The following FHAD1 variants were observed in gnomAD, a reference collection of about 807,000 sequenced individuals.
The protein encoded by FHAD1 is forkhead-associated domain-containing protein 1.
Under a neutral mutation model 191.3 loss-of-function variants are expected in FHAD1, and 146 were observed. The observed-to-expected ratio is 0.76, with a 90% confidence interval of 0.67 to 0.88. The LOEUF (loss-of-function observed/expected upper bound fraction) is 0.88, where lower values mean the gene tolerates loss of function less well. FHAD1 is among the 40% of genes least tolerant of loss of function. The pLI, the probability that FHAD1 is intolerant of heterozygous loss-of-function variation, is 0.00. For synonymous variants in FHAD1, 616 were observed against 672.3 expected, an observed-to-expected ratio of 0.92 and a Z score of 1.29; for missense variants, 1,635 against 1,785.8, an observed-to-expected ratio of 0.92 and a Z score of 1.52.
At chr1:15,375,851 C>G (rs1699422913) in intron 28 of FHAD1, 121 bp downstream of exon 28, 3 of 1,119,736 alleles carry the variant, frequency 2.7e-6, no homozygotes, top group East Asian at 5.4e-5. Context: ...TGGCTGCTGT[C>G]TATACTCACT....
chr1:15,398,443 A>G (rs1706649804), downstream of FHAD1, among the ~76,000 whole-genome samples: 2 of 152,106 alleles, frequency 1.3e-5, no homozygotes, highest in Non-Finnish European at 2.9e-5. Context: ...TAGATTCCCC[A>G]TTTGACAGAT....
In FHAD1 at chr1:15,397,962, C is replaced by G. The variant is rs1706516758; in HGVS notation, c.*549C>G. Reference sequence around the variant, plus strand: ...CCTGGCAAACATAGTGAATACCTGTCTCTACTAAAAATACAAAAATTAGCC... The same window carrying G: ...CCTGGCAAACATAGTGAATACCTGTGTCTACTAAAAATACAAAAATTAGCC... On this transcript the variant is annotated 3_prime_UTR_variant, in exon 34 of 34. Transcript: ENST00000688493. The G allele has an allele frequency of 6.6e-6, 1 of 152,122 alleles. No homozygotes were observed. Among genetic ancestry groups the G allele is most frequent in the Non-Finnish European group, 1.5e-5 (1 of 68,070 alleles). The allele number at this position is 152,122 out of a possible 1,614,324, so 9.4% of individuals were successfully genotyped here.
chr1:15,287,700 A>G (rs1662988690), intron 3 of FHAD1, among the ~76,000 whole-genome samples: 1 of 152,060 alleles, frequency 6.6e-6, no homozygotes, highest in Admixed American at 6.5e-5. Flanking sequence ...AGGTGATCGG[A>G]GTTTGGTGCC....
At chr1:15,378,417 C>T (rs929688160) in intron 28 of FHAD1, among the ~76,000 whole-genome samples, 1 of 152,240 alleles carries the variant, frequency 6.6e-6, no homozygotes, top group African/African-American at 2.4e-5. Context: ...TTGCAGCCTG[C>T]TGGTCTGCAG....
At chr1:15,358,326 T>C in intron 21 of FHAD1, 43 bp downstream of exon 21, 1 of 1,508,652 alleles carries the variant, frequency 6.6e-7, no homozygotes, top group Non-Finnish European at 8.8e-7. Context: ...TTTCTCTCAA[T>C]GGAAGATTAC....
chr1:15,242,574 A>T (rs1164181468), upstream of FHAD1, among the ~76,000 whole-genome samples: 1 of 152,196 alleles, frequency 6.6e-6, no homozygotes, highest in African/African-American at 2.4e-5. Context: ...CACCCCATAG[A>T]GACTGCTGGG....
Position 15,331,482 on chromosome 1 carries a change from GGATT to G in FHAD1, c.1906+1945_1906+1948del, listed in dbSNP as rs1192643067. Among the ~76,000 whole-genome samples the G allele has an allele frequency of 1.1e-3, 104 of 94,404 alleles. 1 individual carries two copies. Among genetic ancestry groups the G allele is most frequent in the South Asian group, 3.3e-3 (8 of 2,404 alleles). The allele number at this position is 94,404 out of a possible 152,430, so 61.9% of individuals were successfully genotyped here. ...TGGAAGGGTGAGTGGGTGGGTGGGT[GGATT>G]GATGGATGGATGGATGGATGGATGG... On this transcript the variant is annotated intron_variant, in intron 14 of 33. Coordinates refer to ENST00000688493, the MANE Select transcript of FHAD1 (RefSeq NM_001391957.1).
intron 2 of FHAD1, among the ~76,000 whole-genome samples, chr1:15,267,740 CT>C (rs1654124918): frequency 6.7e-6 from 1 of 148,650 alleles, no homozygotes; most frequent in Non-Finnish European, 1.5e-5. Context: ...GGACAGAGAG[CT>C]GTTCATAATA....
intron 8 of FHAD1, 89 bp downstream of exon 8, chr1:15,313,276 G>T: frequency 6.9e-7 from 1 of 1,443,902 alleles, no homozygotes; most frequent in South Asian, 1.5e-5. Context: ...CATTCACCCT[G>T]GGCCCTTAGT....
At chr1:15,361,781 C>T (rs563015146) in intron 22 of FHAD1, among the ~76,000 whole-genome samples, 5 of 151,114 alleles carry the variant, frequency 3.3e-5, no homozygotes, top group African/African-American at 9.7e-5. Context: ...CCGAGGCCGG[C>T]GGATCACTAG....
chr1:15,338,445 G>A (rs1030235715), intron 14 of FHAD1, among the ~76,000 whole-genome samples: 11 of 152,040 alleles, frequency 7.2e-5, no homozygotes, highest in Non-Finnish European at 1.3e-4. Context: ...TCAAGCCTCC[G>A]TCTGTCTCCT....
intron 6 of FHAD1, chr1:15,305,703 T>A: frequency 2.3e-6 from 1 of 430,522 alleles, no homozygotes; most frequent in Non-Finnish European, 4.6e-6. Context: ...TGAGATCTGA[T>A]GGTTTTATCA....
chr1:15,281,031 T>G (rs1660423735), intron 3 of FHAD1, among the ~76,000 whole-genome samples: 1 of 152,234 alleles, frequency 6.6e-6, no homozygotes, highest in Admixed American at 6.5e-5. Flanking sequence ...CTAACATGTA[T>G]AATCCCAATT....
At chr1:15,359,557 G>A (rs1202496042) in intron 21 of FHAD1, among the ~76,000 whole-genome samples, 3 of 152,036 alleles carry the variant, frequency 2.0e-5, no homozygotes, top group Non-Finnish European at 2.9e-5. Flanking sequence ...TTTAAGAAAT[G>A]CAAATTCTGG....
At chr1:15,317,132 A>G (rs1674700013) in intron 9 of FHAD1, among the ~76,000 whole-genome samples, 1 of 152,352 alleles carries the variant, frequency 6.6e-6, no homozygotes, top group South Asian at 2.1e-4. Context: ...CAGAGGTTGC[A>G]GCGAGCCGAG....
upstream of FHAD1, among the ~76,000 whole-genome samples, chr1:15,245,176 G>A (rs1374481344): frequency 6.6e-6 from 1 of 152,154 alleles, no homozygotes; most frequent in African/African-American, 2.4e-5. Flanking sequence ...CCTCCCGCCA[G>A]GCCCCACCTC....
chr1:15,339,495 CTGATA>C lies in FHAD1; in HGVS notation c.1923_1927del (p.Ile642SerfsTer6). The C allele has an allele frequency of 7.8e-7, 1 of 1,274,514 alleles. No individual in the cohort carries two copies. Among genetic ancestry groups the C allele is most frequent in the Non-Finnish European group, 1.0e-6 (1 of 968,498 alleles). The allele number at this position is 1,274,514 out of a possible 1,614,324, so 79.0% of individuals were successfully genotyped here. ...CTTTTTTTAAGGGTTCTCTTTGTAT[CTGATA>C]TATCTTCTGGAACATTATAAAAAAC... is the stretch of plus-strand genomic sequence containing the variant. On this transcript the variant is annotated frameshift_variant, in exon 15 of 34. Transcript: ENST00000688493. LOFTEE classifies it high-confidence loss of function.
At chr1:15,349,016 C>A in intron 18 of FHAD1, 26 bp from the exon 19 acceptor site, 1 of 1,471,078 alleles carries the variant, frequency 6.8e-7, no homozygotes. Flanking sequence ...TGCAGGCCAC[C>A]AAGAGCACTG....
At chr1:15,350,985 G>A (rs560952520) in intron 19 of FHAD1, among the ~76,000 whole-genome samples, 1 of 152,318 alleles carries the variant, frequency 6.6e-6, no homozygotes, top group South Asian at 2.1e-4. Context: ...GCCAGGGATG[G>A]GGTCCTGAAG....
Sources: gnomAD v4.1 joint callset for allele counts (sites outside exome capture counted in the v4.1 genomes callset) on GRCh38, gnomAD v4.1.1 for gene constraint, MANE v1.5 for transcripts, NCBI Gene and HGNC (gene_info 2026-07-23, HGNC 2026-07-21) for gene names.